The following UACA variants were observed in gnomAD, a reference collection of about 807,000 sequenced individuals.
The protein encoded by UACA is nuclear membrane binding protein.
In UACA, 112 loss-of-function variants were observed where a neutral mutation model predicts 160.5. That is an observed-to-expected ratio of 0.70 (90% confidence interval 0.60 to 0.82). The LOEUF (loss-of-function observed/expected upper bound fraction) is 0.82. Ranked by LOEUF, UACA falls within the 40% of genes least tolerant of loss-of-function variation. UACA has a pLI of 0.00. For synonymous variants in UACA, 557 were observed against 568.4 expected (o/e 0.98, Z 0.29); for missense variants, 1,574 against 1,614.6 (o/e 0.97, Z 0.43).
chr15:70,673,799 G>A (rs1393850243), intron 13 of UACA, among the ~76,000 whole-genome samples: 1 of 152,156 alleles, frequency 6.6e-6, no homozygotes, highest in African/African-American at 2.4e-5. Context: ...TTAAGCATGT[G>A]AGATAATACA....
rs568697926 is a variant in UACA at position 70,763,351 on chromosome 15, A to G, written c.57T>C (p.Ser19=). 3.7e-5 allele frequency: 50 copies of G among 1,334,780 alleles called. No individual in the cohort carries two copies. The South Asian group carries it at 8.5e-4, about 23-fold the overall frequency. The allele number at this position is 1,334,780 out of a possible 1,614,324, so 82.7% of individuals were successfully genotyped here. ...RRQDVPGPAS[S]GAAAASAHAA... ...TCACCGCGCTGGCGGCGGCGGCGCC[A>G]GACGACGCGGGGCCGGGCACGTCCT... The change falls in exon 1 of 19, where the codon TCT becomes TCC. Residue 19 remains serine (S), a synonymous_variant. Coordinates refer to ENST00000322954, the MANE Select transcript of UACA (RefSeq NM_018003.4).
At chr15:70,764,168 G>A (rs2030942726), upstream of UACA, among the ~76,000 whole-genome samples, 1 of 152,180 alleles carries the variant, frequency 6.6e-6, no homozygotes, top group Non-Finnish European at 1.5e-5. Context: ...TTTATTTGTT[G>A]AGTGAAGAAT....
chr15:70,685,582 A>G (rs894916166), intron 7 of UACA, among the ~76,000 whole-genome samples: 3 of 152,228 alleles, frequency 2.0e-5, no homozygotes, highest in Non-Finnish European at 4.4e-5. Flanking sequence ...ATAGAGTATT[A>G]GAAACTAAGG....
At chr15:70,739,764 T>C (rs746663962) in intron 1 of UACA, among the ~76,000 whole-genome samples, 10 of 152,228 alleles carry the variant, frequency 6.6e-5, no homozygotes, top group Non-Finnish European at 1.3e-4. Flanking sequence ...CTACTGGCTC[T>C]AGATTTTGAT....
chr15:70,677,052 T>C (rs1440385819), intron 12 of UACA, 56 bp downstream of exon 12: 2 of 1,376,260 alleles, frequency 1.5e-6, no homozygotes, highest in African/African-American at 2.9e-5. Context: ...TTTACTACTA[T>C]ATCATCTTCA....
chr15:70,713,531 T>C (rs556887290), intron 1 of UACA, among the ~76,000 whole-genome samples: 3 of 152,298 alleles, frequency 2.0e-5, no homozygotes, highest in East Asian at 3.9e-4. Flanking sequence ...TGATGCATAA[T>C]GAGTAAGACA....
intron 1 of UACA, among the ~76,000 whole-genome samples, chr15:70,707,193 TCTC>T (rs1898545784): frequency 6.6e-6 from 1 of 152,012 alleles, no homozygotes; most frequent in Non-Finnish European, 1.5e-5. Context: ...GAAAGAACAA[TCTC>T]CTCAACAGTG....
chr15:70,675,295 A>G (rs1192954301), intron 13 of UACA, among the ~76,000 whole-genome samples: 2 of 152,240 alleles, frequency 1.3e-5, no homozygotes, highest in East Asian at 3.8e-4. Flanking sequence ...CCTAAAAAAG[A>G]GTCTTCAAAT....
At chr15:70,670,966 T>C (rs1398591959) in intron 15 of UACA, 73 bp downstream of exon 15, 1 of 896,638 alleles carries the variant, frequency 1.1e-6, no homozygotes, top group Non-Finnish European at 1.6e-6. Flanking sequence ...AATGCCGCTT[T>C]CTCCTCTCTT....
At chr15:70,717,113 C>T (rs1440257963) in intron 1 of UACA, among the ~76,000 whole-genome samples, 1 of 152,058 alleles carries the variant, frequency 6.6e-6, no homozygotes, top group Non-Finnish European at 1.5e-5. Flanking sequence ...CCCAGCTACT[C>T]GGGAGGCTGA....
chr15:70,774,878 A>AC, the UACA span, among the ~76,000 whole-genome samples: 1 of 152,014 alleles, frequency 6.6e-6, no homozygotes, highest in South Asian at 2.1e-4. Flanking sequence ...ACATAGTGAG[A>AC]CCCCATCTCT....
At chr15:70,658,194 T>C (rs1187969793) in intron 18 of UACA, among the ~76,000 whole-genome samples, 1 of 152,244 alleles carries the variant, frequency 6.6e-6, no homozygotes, top group Non-Finnish European at 1.5e-5. Context: ...TTTTTTTATG[T>C]AGTGTCACAG....
In UACA at chr15:70,708,683, C is replaced by T. The variant is rs1238886413; in HGVS notation, c.79-9023G>A. ...ACAGGATTTTGCCATGTTGGCCAGGCTAGTCTTGAACTGCTGACCTCAAGT... is the reference window on the plus strand; with the variant it reads ...ACAGGATTTTGCCATGTTGGCCAGGTTAGTCTTGAACTGCTGACCTCAAGT... On this transcript the variant is annotated intron_variant, in intron 1 of 18. Coordinates refer to ENST00000322954, the MANE Select transcript of UACA (RefSeq NM_018003.4). 2.6e-5 allele frequency among the ~76,000 whole-genome samples: 4 copies of T among 152,186 alleles called. No individual in the cohort carries two copies. In the East Asian group the frequency reaches 7.7e-4, roughly 29 times the overall value.
At chr15:70,718,324 A>AGGTG (rs1898886511) in intron 1 of UACA, among the ~76,000 whole-genome samples, 1 of 60,182 alleles carries the variant, frequency 1.7e-5, no homozygotes, top group Non-Finnish European at 3.0e-5. Context: ...GAGAGAGAGA[A>AGGTG]TGTGTGTGTG....
chr15:70,655,816 T>C lies in UACA; in HGVS notation c.*1240A>G, dbSNP rs530090733. On this transcript the variant is annotated 3_prime_UTR_variant, in exon 19 of 19. Transcript: ENST00000322954. ...TCTGGTTCGGGATGTTCAAAGATAA[T>C]TGCTAAGGCAAATTTTGCAATTTGA... 1.3e-5 allele frequency: 2 copies of C among 152,326 alleles called. No individual in the cohort carries two copies. Among genetic ancestry groups the C allele is most frequent in the East Asian group, 1.9e-4 (1 of 5,186 alleles). The allele number at this position is 152,326 out of a possible 1,614,324, so 9.4% of individuals were successfully genotyped here. A position where few individuals can be genotyped will look rare whatever the true frequency, so the allele number is the denominator to read the frequency against.
chr15:70,759,830 C>T (rs976536564), intron 1 of UACA, among the ~76,000 whole-genome samples: 2 of 152,204 alleles, frequency 1.3e-5, no homozygotes, highest in Non-Finnish European at 2.9e-5. Flanking sequence ...ATTTAGTAAA[C>T]TCTAAATTCA....
intron 1 of UACA, among the ~76,000 whole-genome samples, chr15:70,745,025 T>C (rs1899657852): frequency 1.3e-5 from 2 of 152,182 alleles, no homozygotes; most frequent in Non-Finnish European, 2.9e-5. Context: ...CTCTACTCTA[T>C]AATAAAAATT....
chr15:70,666,697 T>G, intron 16 of UACA, 27 bp downstream of exon 16: 1 of 1,537,872 alleles, frequency 6.5e-7, no homozygotes, highest in Non-Finnish European at 8.8e-7. Context: ...TTCCAACACA[T>G]AGCCGTGCAG....
rs1328037304 is a variant in UACA at position 70,667,567 on chromosome 15, G to A, written c.3117C>T (p.Thr1039=). The A allele has an allele frequency of 1.2e-6, 2 of 1,612,780 alleles. No homozygotes were observed. Among genetic ancestry groups the A allele is most frequent in the South Asian group, 1.1e-5 (1 of 91,040 alleles). The change falls in exon 16 of 19, where the codon ACC becomes ACT. Residue 1039 remains threonine, a synonymous_variant. Coordinates refer to ENST00000322954, the MANE Select transcript of UACA (RefSeq NM_018003.4). ...TCTTATCTCTCAAATCTTTCTGAAG[G>A]GTAAAAATCTCCTTCTTTAACTTGT... ...ENDKLKKEIF[T]LQKDLRDKTV...
Sources: gnomAD v4.1 joint callset for allele counts (sites outside exome capture counted in the v4.1 genomes callset) on GRCh38, gnomAD v4.1.1 for gene constraint, MANE v1.5 for transcripts, NCBI Gene and HGNC (gene_info 2026-07-23, HGNC 2026-07-21) for gene names.